ADD2: variants seen among roughly 807,000 people sequenced by gnomAD.
The protein encoded by ADD2 is adducin 2.
ADD2 carries 23 observed loss-of-function variants against 83.0 expected under a neutral mutation model. That is an observed-to-expected ratio of 0.28 (90% CI 0.20 to 0.39). The LOEUF (loss-of-function observed/expected upper bound fraction) is 0.39. Ranked by LOEUF, ADD2 falls within the 10% of genes least tolerant of loss-of-function variation. The pLI, the probability that ADD2 is intolerant of heterozygous loss-of-function variation, is 1.00. For synonymous variants in ADD2, 375 were observed against 375.4 expected, an observed-to-expected ratio of 1.00 and a Z score of 0.01; for missense variants, 758 against 944.9, an observed-to-expected ratio of 0.80 and a Z score of 2.59.
intron 1 of ADD2, among the ~76,000 whole-genome samples, chr2:70,747,564 A>G (rs1674283915): frequency 1.3e-5 from 2 of 151,274 alleles, no homozygotes; most frequent in Non-Finnish European, 3.0e-5. Context: ...CACAGGCTCT[A>G]TCATGCCACA....
At chr2:70,750,747 C>T (rs1229069079) in intron 1 of ADD2, among the ~76,000 whole-genome samples, 1 of 152,168 alleles carries the variant, frequency 6.6e-6, no homozygotes. Flanking sequence ...AAGCCATCTC[C>T]ATTTAAGGAG....
chr2:70,763,808 G>A (rs782653635), intron 1 of ADD2, among the ~76,000 whole-genome samples: 1 of 151,842 alleles, frequency 6.6e-6, no homozygotes, highest in African/African-American at 2.4e-5. Context: ...AACTCTCACA[G>A]CTAGTAAGTA....
intron 1 of ADD2, among the ~76,000 whole-genome samples, chr2:70,738,969 C>T (rs1405926232): frequency 2.0e-5 from 3 of 152,110 alleles, no homozygotes; most frequent in Non-Finnish European, 4.4e-5. Flanking sequence ...CCATTCTGGA[C>T]ATAGGAATGG....
chr2:70,735,858 C>CTTT (rs374727628), intron 1 of ADD2, among the ~76,000 whole-genome samples: 2,212 of 72,468 alleles, frequency 0.031, 173 homozygotes, highest in African/African-American at 0.069. Context: ...CCATGCCCGG[C>CTTT]TTTTTTTTTT....
chr2:70,688,872 A>T (rs1421354886), intron 8 of ADD2, among the ~76,000 whole-genome samples: 1 of 152,180 alleles, frequency 6.6e-6, no homozygotes, highest in Non-Finnish European at 1.5e-5. Flanking sequence ...TAAGGTGGGC[A>T]GATCACTTGA....
intron 1 of ADD2, among the ~76,000 whole-genome samples, chr2:70,713,754 C>T (rs912385407): frequency 2.0e-5 from 3 of 152,058 alleles, no homozygotes; most frequent in Non-Finnish European, 4.4e-5. Flanking sequence ...TGGTGGAGGG[C>T]GCAGAATGTG....
At chr2:70,675,051 A>C in intron 13 of ADD2, 12 of 1,291,942 alleles carry the variant, frequency 9.3e-6, no homozygotes, top group Non-Finnish European at 1.2e-5. Context: ...TAGGGGGTCC[A>C]CAGTCTGCCC....
chr2:70,696,312 T>C lies in ADD2; in HGVS notation c.407A>G (p.Lys136Arg), dbSNP rs782080943. The change falls in exon 5 of 16, where the codon AAG (lysine) becomes AGG (arginine). Residue 136 changes from lysine (K) to arginine (R), a missense_variant. Lys to Arg is a conservative substitution (Grantham distance 26). Coordinates refer to ENST00000264436, the MANE Select transcript of ADD2 (RefSeq NM_001617.4). The part of the protein sequence containing the change: ...LAKGERLMRC[K>R]ISSVYRLLDL... ...CAGGAGTCGGTAGACACTGCTGATC[T>C]TGCACCGCATGAGCCGCTCCCCTTT... 1 of 1,614,004 alleles carries C rather than the reference T, an allele frequency of 6.2e-7. No individual in the cohort carries two copies. Among genetic ancestry groups the C allele is most frequent in the Non-Finnish European group, 8.5e-7 (1 of 1,179,978 alleles).
rs988040751 is a variant in ADD2, at chr2:70,675,253, C to T, written c.1594-428G>A. ...AGCCATTCCCCACCACTGCCCTCCC[C>T]GCCCCCACAGCAGTGCAAGCCACAA... On this transcript the variant is annotated intron_variant, in intron 13 of 15. Transcript: ENST00000264436. 2.2e-4 allele frequency: 221 copies of T among 1,004,736 alleles called. 1 individual carries two copies. The highest frequency in any genetic ancestry group is 2.4e-4 in the Non-Finnish European group (204 of 841,522). The allele number at this position is 1,004,736 out of a possible 1,614,324, so 62.2% of individuals were successfully genotyped here. A position where few individuals can be genotyped will look rare whatever the true frequency, so the allele number is the denominator to read the frequency against.
chr2:70,707,257 A>C (rs2104390429), intron 2 of ADD2, among the ~76,000 whole-genome samples: 1 of 152,318 alleles, frequency 6.6e-6, no homozygotes, highest in South Asian at 2.1e-4. Flanking sequence ...ATTAATGGAA[A>C]ATTATTTTCT....
In ADD2 at chr2:70,658,312, C is replaced by T. The variant is rs1553364446; in HGVS notation, c.*5113G>A. ...TTGGTGACCGAGCTCTACGTGTGGTCTCTCATTTATGACAGAAAGTGTGCC... is the reference window on the plus strand; with the variant it reads ...TTGGTGACCGAGCTCTACGTGTGGTTTCTCATTTATGACAGAAAGTGTGCC... On this transcript the variant is annotated 3_prime_UTR_variant, in exon 16 of 16. Transcript: ENST00000264436. 2 of 152,154 alleles carry T rather than the reference C, an allele frequency of 1.3e-5. No homozygotes were observed. The highest frequency in any genetic ancestry group is 4.8e-5 in the African/African-American group (2 of 41,424). 9.4% of individuals were successfully genotyped at this position (152,154 alleles called of 1,614,324 possible). A position where few individuals can be genotyped will look rare whatever the true frequency, so the allele number is the denominator to read the frequency against.
At chr2:70,759,056 T>C (rs1211074116) in intron 1 of ADD2, among the ~76,000 whole-genome samples, 1 of 152,184 alleles carries the variant, frequency 6.6e-6, no homozygotes, top group Non-Finnish European at 1.5e-5. Context: ...GGATGTCAAA[T>C]GGTCCTTAGA....
chr2:70,746,912 C>T (rs1308772508), intron 1 of ADD2, among the ~76,000 whole-genome samples: 1 of 150,206 alleles, frequency 6.7e-6, no homozygotes, highest in East Asian at 1.9e-4. Flanking sequence ...AATGTCTACT[C>T]TTCTCACAGT....
intron 1 of ADD2, among the ~76,000 whole-genome samples, chr2:70,752,049 G>A (rs1301971916): frequency 6.6e-6 from 1 of 152,170 alleles, no homozygotes; most frequent in African/African-American, 2.4e-5. Flanking sequence ...TATAGCCTTT[G>A]TCAAAAATGG....
chr2:70,763,894 C>T (rs57058750), intron 1 of ADD2, among the ~76,000 whole-genome samples: 1 of 145,918 alleles, frequency 6.9e-6, no homozygotes, highest in Non-Finnish European at 1.5e-5. Flanking sequence ...ATTTTCTTTT[C>T]TTTTTTTTTT....
In ADD2 at chr2:70,706,300, G is replaced by C; in HGVS notation, c.109C>G (p.Arg37Gly). The C allele has an allele frequency of 1.2e-6, 2 of 1,614,122 alleles. No homozygotes were observed. The highest frequency in any genetic ancestry group is 1.7e-6 in the Non-Finnish European group (2 of 1,180,006). ...DDPEYMRLRN[R>G]AADLRQDFNL... ...AAGTCCTGCCGCAGGTCCGCCGCCC[G>C]GTTGCGAAGGCGCATGTACTCGGGG... Residue 37 changes from arginine (R) to glycine (G), a missense_variant, in exon 3 of 16, where the codon CGG becomes GGG. Arg to Gly is a moderately radical substitution (Grantham distance 125). This residue lies in a region of ADD2 where 175 missense variants were observed against 192.1 expected (regional missense o/e 0.91). Coordinates refer to ENST00000264436, the MANE Select transcript of ADD2 (RefSeq NM_001617.4). The surrounding 1 kb of genome is among the most constrained non-coding windows in gnomAD (Gnocchi z 5.0).
chr2:70,761,979 T>C (rs1450979266), intron 1 of ADD2, among the ~76,000 whole-genome samples: 1 of 151,834 alleles, frequency 6.6e-6, no homozygotes, highest in African/African-American at 2.4e-5. Context: ...AACACAACTA[T>C]ATTTTTTAAT....
intron 6 of ADD2, among the ~76,000 whole-genome samples, chr2:70,694,269 G>A (rs1671196884): frequency 6.6e-6 from 1 of 152,148 alleles, no homozygotes; most frequent in East Asian, 1.9e-4. Flanking sequence ...CAACTGATCA[G>A]CAGGCCTACT....
At position 70,663,454 on chromosome 2, in the gene ADD2, T is replaced by A; in HGVS notation, c.2152A>T (p.Ser718Cys). The part of the protein sequence containing the change: ...KFRTPSFLKK[S>C]KKKEKVES The stretch of plus-strand genomic sequence containing the variant: ...GACTCCACTTTCTCCTTCTTTTTGC[T>A]CTTTTTCAGGAAGGAGGGGGTTCGG... The change falls in exon 16 of 16, where the codon AGC becomes TGC. Residue 718 changes from serine to cysteine, a missense_variant. This residue lies in a region of ADD2 where 165 missense variants were observed against 176.2 expected (regional missense o/e 0.94). Transcript: ENST00000264436. 6.2e-7 allele frequency: 1 copy of A among 1,613,680 alleles called. No homozygotes were observed. The highest frequency in any genetic ancestry group is 2.2e-5 in the East Asian group (1 of 44,882).
Sources: allele counts gnomAD v4.1 joint callset (sites outside exome capture counted in the v4.1 genomes callset), GRCh38; gene constraint gnomAD v4.1.1; regional missense constraint gnomAD v4.1.1; non-coding constraint Gnocchi (gnomAD v3.1); transcripts MANE v1.5; gene names NCBI Gene and HGNC (gene_info 2026-07-23, HGNC 2026-07-21).